IFT52: variants seen among roughly 807,000 people sequenced by gnomAD.
The protein encoded by IFT52 is intraflagellar transport 52, also known as intraflagellar transport protein 52 homolog.
In IFT52, 44 loss-of-function variants were observed where a neutral mutation model predicts 54.4. The ratio of observed to expected loss-of-function variants is 0.81; its 90% CI spans 0.63 to 1.04. IFT52 has a LOEUF of 1.04. IFT52 is among the 50% of genes least tolerant of loss of function. IFT52 has a pLI of 0.00. For synonymous variants in IFT52, 181 were observed against 185.3 expected, an observed-to-expected ratio of 0.98 and a Z score of 0.19; for missense variants, 452 against 523.6, an observed-to-expected ratio of 0.86 and a Z score of 1.33.
rs754469037 is a variant in IFT52, at chr20:43,604,231, C to T, written c.386C>T (p.Ala129Val). ...CACAAATATTTCCATCCTAAAGAAGCTCTAGTTTCCAGTGGAGTCTTGAAC... is the reference window on the plus strand; with the variant it reads ...CACAAATATTTCCATCCTAAAGAAGTTCTAGTTTCCAGTGGAGTCTTGAAC... ...VYHKYFHPKE[A>V]LVSSGVLNRE... Residue 129 changes from alanine (A) to valine (V), a missense_variant, in exon 5 of 14, where the codon GCT becomes GTT. By Grantham distance (64) the Ala-to-Val change is moderately conservative (BLOSUM62 0). Transcript: ENST00000373030. 1.2e-6 allele frequency: 2 copies of T among 1,611,770 alleles called. No homozygotes were observed. Among genetic ancestry groups the T allele is most frequent in the Non-Finnish European group, 1.7e-6 (2 of 1,177,922 alleles).
In IFT52 at chr20:43,645,489, A is replaced by C; in HGVS notation, c.1267-1447A>C. Reference sequence around the variant, plus strand: ...GGAGAATGGTGTGAACCCGGGAGGCAGAGCTTGCAGTGAGCTGAGATCATG... The same window carrying C: ...GGAGAATGGTGTGAACCCGGGAGGCCGAGCTTGCAGTGAGCTGAGATCATG... On this transcript the variant is annotated intron_variant, in intron 13 of 13. Transcript: ENST00000373030. Among the ~76,000 whole-genome samples, 2 of 56,574 alleles carry C rather than the reference A, an allele frequency of 3.5e-5. 1 individual carries two copies. The highest frequency in any genetic ancestry group is 8.4e-5 in the Non-Finnish European group (2 of 23,822). 37.1% of individuals were successfully genotyped at this position (56,574 alleles called of 152,430 possible).
chr20:43,603,504 A>G (rs1292019134), intron 3 of IFT52, among the ~76,000 whole-genome samples: 1 of 152,134 alleles, frequency 6.6e-6, no homozygotes, highest in Non-Finnish European at 1.5e-5. Flanking sequence ...CCTTTAGTTA[A>G]GTTTTTCACT....
intron 2 of IFT52, among the ~76,000 whole-genome samples, chr20:43,595,498 G>A (rs1043186139): frequency 2.0e-5 from 3 of 152,072 alleles, no homozygotes; most frequent in African/African-American, 4.8e-5. Context: ...ACAGTAAGCC[G>A]AGATTGCGCC....
At chr20:43,617,796 G>A (rs1983972607) in intron 7 of IFT52, among the ~76,000 whole-genome samples, 1 of 151,822 alleles carries the variant, frequency 6.6e-6, no homozygotes, top group East Asian at 1.9e-4. Flanking sequence ...AGGCTGGAGT[G>A]CAGTGGCGCG....
intron 7 of IFT52, among the ~76,000 whole-genome samples, chr20:43,616,745 G>T (rs1271057670): frequency 6.6e-6 from 1 of 152,102 alleles, no homozygotes; most frequent in Non-Finnish European, 1.5e-5. Flanking sequence ...TATAGGTCAG[G>T]CATGGTGACT....
rs368909001 is a variant in IFT52 at position 43,625,306 on chromosome 20, C to A, written c.923+1261C>A. Among the ~76,000 whole-genome samples, 3 of 152,050 alleles carry A rather than the reference C, an allele frequency of 2.0e-5. 1 individual carries two copies. On this transcript the variant is annotated intron_variant, in intron 10 of 13. Coordinates refer to ENST00000373030, the MANE Select transcript of IFT52 (RefSeq NM_016004.5). ...TGGGAAGATCGCGAGGTCAGGCGTT[C>A]GAGACCAGCCTGGCCAACATGGCGA...
chr20:43,604,342 A>G (rs1227777942), intron 5 of IFT52, 84 bp downstream of exon 5: 2 of 974,110 alleles, frequency 2.1e-6, no homozygotes, highest in African/African-American at 1.6e-5. Flanking sequence ...GCCAAGGTGG[A>G]TGGATCATTT....
chr20:43,639,100 A>C (rs1363333786), intron 12 of IFT52, among the ~76,000 whole-genome samples: 1 of 152,170 alleles, frequency 6.6e-6, no homozygotes, highest in Non-Finnish European at 1.5e-5. Context: ...TCCTTGTAGA[A>C]ATGCAAGACA....
Position 43,624,497 on chromosome 20 carries a change from C to T in IFT52, c.923+452C>T, listed in dbSNP as rs182366399. 1.4e-3 allele frequency among the ~76,000 whole-genome samples: 213 copies of T among 152,168 alleles called. 2 individuals are homozygous for T. Among genetic ancestry groups the T allele is most frequent in the Non-Finnish European group, 1.0e-3 (68 of 68,010 alleles). On this transcript the variant is annotated intron_variant, in intron 10 of 13. Transcript: ENST00000373030. ...TGTTCTGGGCACTCTCAGTCTAGTG[C>T]GGATGTGCAGGTGGAACTACAAGTT... is the stretch of plus-strand genomic sequence containing the variant.
intron 3 of IFT52, among the ~76,000 whole-genome samples, 165 bp downstream of exon 3, chr20:43,596,687 G>A (rs1166426095): frequency 4.7e-5 from 7 of 148,590 alleles, no homozygotes; most frequent in Admixed American, 1.3e-4. Context: ...GATACTCCAT[G>A]TAAAGTACCA....
At chr20:43,641,817 T>C (rs1456926206) in intron 12 of IFT52, among the ~76,000 whole-genome samples, 1 of 151,506 alleles carries the variant, frequency 6.6e-6, no homozygotes, top group Non-Finnish European at 1.5e-5. Context: ...TTGTTTGAGA[T>C]GGAGTCTGTT....
At chr20:43,613,135 G>A (rs192593825) in intron 6 of IFT52, among the ~76,000 whole-genome samples, 69 of 152,268 alleles carry the variant, frequency 4.5e-4, no homozygotes, top group South Asian at 1.0e-3. Context: ...CCATTATAGC[G>A]TATATTTATG....
intron 1 of IFT52, among the ~76,000 whole-genome samples, chr20:43,593,242 G>T (rs915959713): frequency 1.3e-5 from 2 of 152,146 alleles, no homozygotes; most frequent in Non-Finnish European, 2.9e-5. Flanking sequence ...ACTTCAAAGT[G>T]GAAATTAAAA....
intron 13 of IFT52, 120 bp downstream of exon 13, chr20:43,642,744 C>G (rs1012369692): frequency 1.2e-5 from 11 of 930,692 alleles, no homozygotes; most frequent in African/African-American, 1.7e-5. Flanking sequence ...TAAGCATCTA[C>G]TAGGTGAACA....
chr20:43,629,063 TG>T (rs1311798684), intron 10 of IFT52, among the ~76,000 whole-genome samples: 2 of 151,814 alleles, frequency 1.3e-5, no homozygotes, highest in Non-Finnish European at 2.9e-5. Flanking sequence ...GCCGGCAGAG[TG>T]GGCCCAGACA....
intron 3 of IFT52, among the ~76,000 whole-genome samples, chr20:43,597,122 A>G (rs1437975119): frequency 6.6e-6 from 1 of 151,942 alleles, no homozygotes; most frequent in Non-Finnish European, 1.5e-5. Flanking sequence ...CTGTAATCCC[A>G]ACACTTTGGG....
chr20:43,612,385 A>C (rs1015803854), intron 6 of IFT52, among the ~76,000 whole-genome samples: 1 of 151,958 alleles, frequency 6.6e-6, no homozygotes, highest in Non-Finnish European at 1.5e-5. Flanking sequence ...TTACTGAAGG[A>C]ATGGGGAAGA....
chr20:43,595,380 C>G (rs1601018076), intron 2 of IFT52, among the ~76,000 whole-genome samples: 1 of 147,800 alleles, frequency 6.8e-6, no homozygotes, highest in East Asian at 2.0e-4. Flanking sequence ...GAAACCCTGT[C>G]TCTACTAAAA....
rs552445723 is a variant in IFT52, at chr20:43,634,857, C to T, written c.924-1069C>T. Among the ~76,000 whole-genome samples the T allele has an allele frequency of 3.1e-3, 466 of 152,186 alleles. 1 individual carries two copies. The highest frequency in any genetic ancestry group is 0.011 in the African/African-American group (446 of 41,526). ...CCCCTATGTGTCTGTGTGCTCTCAT[C>T]ATTTAGCTCCCACTTATAAGGACAT... On this transcript the variant is annotated intron_variant, in intron 10 of 13. Transcript: ENST00000373030.
Sources: allele counts gnomAD v4.1 joint callset (sites outside exome capture counted in the v4.1 genomes callset), GRCh38; gene constraint gnomAD v4.1.1; transcripts MANE v1.5; gene names NCBI Gene and HGNC (gene_info 2026-07-23, HGNC 2026-07-21).